Variants in ITSN2 observed in about 807,000 individuals in gnomAD.
ITSN2 encodes intersectin 2.
In ITSN2, 156 loss-of-function variants were observed where a neutral mutation model predicts 243.7. The ratio of observed to expected loss-of-function variants is 0.64; its 90% CI spans 0.56 to 0.73. The LOEUF (loss-of-function observed/expected upper bound fraction) is 0.73. Ranked by LOEUF, ITSN2 falls within the 30% of genes least tolerant of loss-of-function variation. The pLI is 0.00. For missense variants in ITSN2, 1,801 were observed against 1,996.1 expected (o/e 0.90, Z 1.86); for synonymous variants, 703 against 699.9 (o/e 1.00, Z -0.07).
intron 20 of ITSN2, among the ~76,000 whole-genome samples, chr2:24,262,014 A>G (rs1255487563): frequency 1.3e-5 from 2 of 152,108 alleles, no homozygotes; most frequent in Non-Finnish European, 2.9e-5. Flanking sequence ...ATCCTCCCCT[A>G]TCTCATGGCT....
At chr2:24,329,134 GGCT>G (rs980030673) in intron 1 of ITSN2, among the ~76,000 whole-genome samples, 16 of 152,302 alleles carry the variant, frequency 1.1e-4, no homozygotes, top group African/African-American at 2.6e-4. Context: ...TTCAACAAAT[GGCT>G]GCTATTTTGC....
At chr2:24,209,735 C>G in intron 35 of ITSN2, 83 bp downstream of exon 35, 1 of 1,118,654 alleles carries the variant, frequency 8.9e-7, no homozygotes, top group East Asian at 2.4e-5. Context: ...GTAAGGCCAG[C>G]TCAGGGTCTG....
chr2:24,298,532 T>C lies in ITSN2; in HGVS notation c.1494+133A>G, dbSNP rs1187985485. On this transcript the variant is annotated intron_variant, in intron 13 of 39. Transcript: ENST00000355123. ...GGCTGGTTTCAAACTCCTGCCCCAGTTGATCTGCCTGCCTTGGCCTCCCAA... is the reference window on the plus strand; with the variant it reads ...GGCTGGTTTCAAACTCCTGCCCCAGCTGATCTGCCTGCCTTGGCCTCCCAA... 5 of 727,380 alleles carry C rather than the reference T, an allele frequency of 6.9e-6. No individual in the cohort carries two copies. In the East Asian group the frequency reaches 1.2e-4, roughly 17 times the overall value. 45.1% of individuals were successfully genotyped at this position (727,380 alleles called of 1,614,324 possible).
At chr2:24,353,629 A>G (rs1257955437) in intron 1 of ITSN2, among the ~76,000 whole-genome samples, 4 of 152,192 alleles carry the variant, frequency 2.6e-5, no homozygotes, top group African/African-American at 4.8e-5. Flanking sequence ...ACCCAGGGCT[A>G]GCAAAGGTGA....
intron 1 of ITSN2, among the ~76,000 whole-genome samples, chr2:24,342,739 CA>C (rs927486801): frequency 1.3e-5 from 2 of 151,768 alleles, no homozygotes; most frequent in African/African-American, 4.8e-5. Context: ...GGTTACTCTG[CA>C]AAAGCAGAGT....
intron 8 of ITSN2, among the ~76,000 whole-genome samples, chr2:24,306,222 C>T (rs1682519928): frequency 6.6e-6 from 1 of 152,036 alleles, no homozygotes; most frequent in Non-Finnish European, 1.5e-5. Context: ...TCAAGTGATC[C>T]GCCCGCCTCA....
chr2:24,294,129 C>A (rs539027626), intron 14 of ITSN2, among the ~76,000 whole-genome samples: 1 of 151,954 alleles, frequency 6.6e-6, no homozygotes, highest in Non-Finnish European at 1.5e-5. Flanking sequence ...ATGTGTATAT[C>A]AAAGAGGGAC....
Position 24,286,307 on chromosome 2 carries a change from C to T in ITSN2, c.1768G>A (p.Glu590Lys). Residue 590 changes from glutamate to lysine, a missense_variant, in exon 16 of 40, where the codon GAA becomes AAA. This residue lies in a region of ITSN2 where 787 missense variants were observed against 803.9 expected (regional missense o/e 0.98). Transcript: ENST00000355123. The stretch of plus-strand genomic sequence containing the variant: ...TGTTCTTTAAGTCTTTGGCATAATT[C>T]TTCCTTTTCTAATGATTTTTTATGA... ...LLHKKSLEKE[E>K]LCQRLKEQLD... The T allele has an allele frequency of 6.2e-7, 1 of 1,607,982 alleles. No homozygotes were observed. Among genetic ancestry groups the T allele is most frequent in the Non-Finnish European group, 8.5e-7 (1 of 1,174,894 alleles).
chr2:24,212,447 T>C (rs1265362593), intron 33 of ITSN2, among the ~76,000 whole-genome samples: 1 of 152,170 alleles, frequency 6.6e-6, no homozygotes, highest in Non-Finnish European at 1.5e-5. Context: ...CCTCTCTGAT[T>C]TGCCCACTTC....
intron 25 of ITSN2, among the ~76,000 whole-genome samples, chr2:24,250,215 C>T (rs1245269066): frequency 6.6e-6 from 1 of 152,178 alleles, no homozygotes; most frequent in Admixed American, 6.5e-5. Flanking sequence ...AAATTGTCCA[C>T]TCAACTAGGT....
chr2:24,293,405 T>C (rs1224279180), intron 15 of ITSN2: 2 of 205,844 alleles, frequency 9.7e-6, no homozygotes, highest in Non-Finnish European at 1.9e-5. Flanking sequence ...ATTTATATCT[T>C]ATAGTCTAAC....
chr2:24,308,597 C>T lies in ITSN2; in HGVS notation c.793+20G>A, dbSNP rs375619794. On this transcript the variant is annotated intron_variant, in intron 8 of 39. Transcript: ENST00000355123. ...ATAAAAGACCCTTTTTCATGCTCTT[C>T]AGCACTGTATGCTGCTTACCTGAGA... 1.2e-5 allele frequency: 17 copies of T among 1,421,102 alleles called. No individual in the cohort carries two copies. Among genetic ancestry groups the T allele is most frequent in the Non-Finnish European group, 1.6e-5 (17 of 1,079,054 alleles). The allele number at this position is 1,421,102 out of a possible 1,614,324, so 88.0% of individuals were successfully genotyped here. A position where few individuals can be genotyped will look rare whatever the true frequency, so the allele number is the denominator to read the frequency against.
At chr2:24,278,772 C>T (rs1678372990) in intron 17 of ITSN2, among the ~76,000 whole-genome samples, 2 of 151,806 alleles carry the variant, frequency 1.3e-5, no homozygotes, top group Non-Finnish European at 2.9e-5. Context: ...CTGCCTCAGC[C>T]TCTTGAGTAG....
chr2:24,322,900 G>A (rs1191682482), intron 2 of ITSN2, among the ~76,000 whole-genome samples: 1 of 151,482 alleles, frequency 6.6e-6, no homozygotes, highest in Non-Finnish European at 1.5e-5. Flanking sequence ...CAAAAAAAAG[G>A]AACAAAAGAT....
At chr2:24,313,576 C>CAGAAG in intron 3 of ITSN2, 53 bp from the exon 4 acceptor site, 2 of 1,296,680 alleles carry the variant, frequency 1.5e-6, no homozygotes, top group Non-Finnish European at 2.2e-6. Context: ...TGAAATTATT[C>CAGAAG]CAATGCTTCT....
At chr2:24,207,399 G>A (rs1374388944) in intron 37 of ITSN2, among the ~76,000 whole-genome samples, 1 of 152,148 alleles carries the variant, frequency 6.6e-6, no homozygotes, top group Admixed American at 6.5e-5. Flanking sequence ...GCTGCTGCTG[G>A]AAGGAGGCTG....
At chr2:24,323,678 A>G (rs1684834252) in intron 2 of ITSN2, among the ~76,000 whole-genome samples, 2 of 152,230 alleles carry the variant, frequency 1.3e-5, no homozygotes. Context: ...CGAACCGTAT[A>G]CTTTAAAAGG....
Position 24,216,325 on chromosome 2 carries a change from C to T in ITSN2, c.3807-93G>A, listed in dbSNP as rs79417733. The T allele has an allele frequency of 1.6e-3, 1,631 of 1,021,666 alleles. 14 individuals carry two copies. The African/African-American group carries it at 0.025, about 16-fold the overall frequency. 63.3% of individuals were successfully genotyped at this position (1,021,666 alleles called of 1,614,324 possible). A position where few individuals can be genotyped will look rare whatever the true frequency, so the allele number is the denominator to read the frequency against. On this transcript the variant is annotated intron_variant, in intron 31 of 39. Transcript: ENST00000355123. ...ATGGCAGACCAATGGTAATGATAAC[C>T]AGTGAGCTACCTAAGAACCTCTGGC...
At position 24,221,072 on chromosome 2, in the gene ITSN2, GA is replaced by G; in HGVS notation, c.3578-7del. The G allele has an allele frequency of 1.3e-6, 2 of 1,595,386 alleles. No homozygotes were observed. Among genetic ancestry groups the G allele is most frequent in the Non-Finnish European group, 1.7e-6 (2 of 1,174,512 alleles). On this transcript the variant is annotated splice_region_variant and splice_polypyrimidine_tract_variant and intron_variant, in intron 29 of 39. Coordinates refer to ENST00000355123, the MANE Select transcript of ITSN2 (RefSeq NM_006277.3). Reference sequence around the variant, plus strand: ...GGTTTGCAGATCAGCACACCCTGTGGAAAAAACAGGGTAGTTTAAAATATTA... The same window carrying G: ...GGTTTGCAGATCAGCACACCCTGTGGAAAAACAGGGTAGTTTAAAATATTA...
Sources: allele counts gnomAD v4.1 joint callset (sites outside exome capture counted in the v4.1 genomes callset), GRCh38; gene constraint gnomAD v4.1.1; regional missense constraint gnomAD v4.1.1; transcripts MANE v1.5; gene names NCBI Gene and HGNC (gene_info 2026-07-23, HGNC 2026-07-21).